Variants in PATZ1 observed in about 807,000 individuals in gnomAD.
PATZ1 encodes the protein POZ/BTB and AT hook containing zinc finger 1.
In PATZ1, 9 loss-of-function variants were observed where a neutral mutation model predicts 46.2. The observed-to-expected ratio is 0.19, with a 90% confidence interval of 0.12 to 0.34. PATZ1 has a LOEUF of 0.34. PATZ1 is among the 10% of genes least tolerant of loss of function. The pLI is 1.00. For synonymous variants in PATZ1, 426 were observed against 378.6 expected, an observed-to-expected ratio of 1.13 and a Z score of -1.45; for missense variants, 632 against 923.0, an observed-to-expected ratio of 0.68 and a Z score of 4.08.
intron 2 of PATZ1, chr22:31,341,196 A>T (rs1452400868): frequency 7.2e-6 from 9 of 1,250,878 alleles, no homozygotes; most frequent in Non-Finnish European, 8.0e-6. Flanking sequence ...GCCCAGAAAG[A>T]AACTTGGATG....
At position 31,326,924 on chromosome 22, in the gene PATZ1, A is replaced by G; in HGVS notation, c.2031T>C (p.Val677=). The G allele has an allele frequency of 1.9e-6, 3 of 1,613,868 alleles. No homozygotes were observed. Among genetic ancestry groups the G allele is most frequent in the East Asian group, 2.2e-5 (1 of 44,878 alleles). The change falls in exon 5 of 5, where the codon GTT becomes GTC. Residue 677 remains valine, a synonymous_variant. Transcript: ENST00000266269. ...AFASSLVDPE[V]DQQPMGPEGK ...CTTCAGGCCCCATGGGCTGCTGGTC[A>G]ACCTCAGGATCTACTAAAGATGACG...
intron 3 of PATZ1, among the ~76,000 whole-genome samples, chr22:31,334,382 G>T (rs987270068): frequency 1.3e-5 from 2 of 152,158 alleles, no homozygotes; most frequent in Non-Finnish European, 2.9e-5. Flanking sequence ...AGGTGTCCTG[G>T]TGGTACAAAC....
At chr22:31,339,627 T>C (rs1569027219) in intron 2 of PATZ1, among the ~76,000 whole-genome samples, 2 of 152,204 alleles carry the variant, frequency 1.3e-5, no homozygotes, top group African/African-American at 4.8e-5. Context: ...CAGAATGCTT[T>C]GACTGCCTGT....
rs1399489261 is a variant in PATZ1 at position 31,344,521 on chromosome 22, C to T, written c.1082G>A (p.Gly361Asp). ...TRKQVACEIC[G>D]KIFRDVYHLN... ...ATGATACACATCACGGAAGATCTTG[C>T]CGCAGATCTCACAAGCCACCTGCTT... The change falls in exon 1 of 5, where the codon GGC (glycine) becomes GAC (aspartate). Residue 361 changes from glycine (G) to aspartate (D), a missense_variant. By Grantham distance (94) the Gly-to-Asp change is moderately conservative. Transcript: ENST00000266269. 2 of 1,614,224 alleles carry T rather than the reference C, an allele frequency of 1.2e-6. No homozygotes were observed. The highest frequency in any genetic ancestry group is 1.7e-5 in the Admixed American group (1 of 60,032).
rs771894283 is a variant in PATZ1 at position 31,345,306 on chromosome 22, C to T, written c.297G>A (p.Gly99=). The T allele has an allele frequency of 5.6e-6, 9 of 1,611,078 alleles. No individual in the cohort carries two copies. The Admixed American group carries it at 8.3e-5, about 15-fold the overall frequency. ...GATAAPGGGA[G]GSRELEMHTI... ...TGTGCATCTCCAGCTCCCGGCTGCC[C>T]CCGGCCCCGCCGCCTGGTGCTGCCG... The change falls in exon 1 of 5, where the codon GGG becomes GGA. Residue 99 remains glycine (G), a synonymous_variant. Transcript: ENST00000266269. This position sits in a 1 kb window ranked among gnomAD's most constrained non-coding sequence, Gnocchi z 7.4.
chr22:31,343,078 C>A (rs912791077), intron 1 of PATZ1, 118 bp from the exon 2 acceptor site: 1 of 1,501,120 alleles, frequency 6.7e-7, no homozygotes, highest in East Asian at 2.5e-5. Flanking sequence ...GACTCCCTCT[C>A]CCCAACCCCA....
At chr22:31,332,667 T>G (rs1412885207) in intron 3 of PATZ1, among the ~76,000 whole-genome samples, 1 of 152,266 alleles carries the variant, frequency 6.6e-6, no homozygotes, top group Non-Finnish European at 1.5e-5. Flanking sequence ...CCAACTGCAC[T>G]GTGTTGGAGT....
In PATZ1 at chr22:31,345,113, G is replaced by A. The variant is rs747817525; in HGVS notation, c.490C>T (p.Leu164=). ...ATATCGGCGCGGGCAGGGGGTACCA[G>A]GATCTGTACGTTGGACTGTTTGATG... ...EVIKQSNVQI[L]VPPARADIML... Residue 164 remains leucine (L), a synonymous_variant, in exon 1 of 5, where the codon CTG becomes TTG. Transcript: ENST00000266269. This position sits in a 1 kb window ranked among gnomAD's most constrained non-coding sequence, Gnocchi z 7.4. 14 of 1,614,090 alleles carry A rather than the reference G, an allele frequency of 8.7e-6. No homozygotes were observed. Among genetic ancestry groups the A allele is most frequent in the Non-Finnish European group, 1.2e-5 (14 of 1,180,048 alleles).
intron 2 of PATZ1, among the ~76,000 whole-genome samples, chr22:31,340,521 C>T (rs182210544): frequency 1.3e-5 from 2 of 152,146 alleles, no homozygotes; most frequent in Non-Finnish European, 2.9e-5. Context: ...CTGCTGGGTC[C>T]GTTAGGGGAG....
rs2049397906 is a variant in PATZ1 at position 31,328,686 on chromosome 22, G to A, written c.1645+101C>T. The A allele has an allele frequency of 1.9e-6, 2 of 1,071,286 alleles. No individual in the cohort carries two copies. Among genetic ancestry groups the A allele is most frequent in the Non-Finnish European group, 2.8e-6 (2 of 702,066 alleles). 66.4% of individuals were successfully genotyped at this position (1,071,286 alleles called of 1,614,324 possible). A position where few individuals can be genotyped will look rare whatever the true frequency, so the allele number is the denominator to read the frequency against. On this transcript the variant is annotated intron_variant, in intron 4 of 4. Coordinates refer to ENST00000266269, the MANE Select transcript of PATZ1 (RefSeq NM_014323.3). This position sits in a 1 kb window ranked among gnomAD's most constrained non-coding sequence, Gnocchi z 4.8. ...CAGATCTCTGAGTCTCCTCAAGGCA[G>A]CCAGAAAGCCGGCAGCCTTCCCGCC...
Position 31,344,557 on chromosome 22 carries a change from C to T in PATZ1, c.1046G>A (p.Ser349Asn), listed in dbSNP as rs1309376588. Reference protein sequence around the residue: ...SEDPDGPRKRSRTRKQVACEI... With the variant: ...SEDPDGPRKRNRTRKQVACEI... ...ACAAGCCACCTGCTTCCTGGTCCGG[C>T]TCCTCTTTCGGGGGCCGTCGGGGTC... The change falls in exon 1 of 5, where the codon AGC becomes AAC. Residue 349 changes from serine to asparagine, a missense_variant. Ser to Asn is a conservative substitution (Grantham distance 46, BLOSUM62 1). Coordinates refer to ENST00000266269, the MANE Select transcript of PATZ1 (RefSeq NM_014323.3). The T allele has an allele frequency of 1.2e-6, 2 of 1,614,226 alleles. No homozygotes were observed. The highest frequency in any genetic ancestry group is 1.7e-6 in the Non-Finnish European group (2 of 1,180,032).
rs2049577639 is a variant in PATZ1 at position 31,341,328 on chromosome 22, C to T, written c.1335+1569G>A. 3.3e-6 allele frequency: 5 copies of T among 1,498,234 alleles called. No homozygotes were observed. In the Admixed American group the frequency reaches 9.3e-5, roughly 28 times the overall value. 92.8% of individuals were successfully genotyped at this position (1,498,234 alleles called of 1,614,324 possible). On this transcript the variant is annotated intron_variant, in intron 2 of 4. Coordinates refer to ENST00000266269, the MANE Select transcript of PATZ1 (RefSeq NM_014323.3). Reference sequence around the variant, plus strand: ...TGGGCAGGAACCACCCTGCTAGCCTCTCCCAAAAGCAGGGGTCTCAGGCCA... The same window carrying T: ...TGGGCAGGAACCACCCTGCTAGCCTTTCCCAAAAGCAGGGGTCTCAGGCCA...
intron 1 of PATZ1, among the ~76,000 whole-genome samples, chr22:31,343,934 G>C (rs1271770353): frequency 6.6e-6 from 1 of 152,016 alleles, no homozygotes; most frequent in Non-Finnish European, 1.5e-5. Context: ...AGATGCACTT[G>C]TTCCAGTACC....
At position 31,345,647 on chromosome 22, in the gene PATZ1, C is replaced by A. The variant is rs1462212577; in HGVS notation, c.-45G>T. On this transcript the variant is annotated 5_prime_UTR_variant, in exon 1 of 5. Coordinates refer to ENST00000266269, the MANE Select transcript of PATZ1 (RefSeq NM_014323.3). The surrounding 1 kb of genome is among the most constrained non-coding windows in gnomAD (Gnocchi z 7.4). ...TAGCCCGGCCGCTGCACCTGCCCGCCCCCTCCCTTCCCCTCAGCAGCGAGA... is the reference window on the plus strand; with the variant it reads ...TAGCCCGGCCGCTGCACCTGCCCGCACCCTCCCTTCCCCTCAGCAGCGAGA... 5 of 1,509,500 alleles carry A rather than the reference C, an allele frequency of 3.3e-6. No homozygotes were observed. The Admixed American group carries it at 7.7e-5, about 23-fold the overall frequency. The allele number at this position is 1,509,500 out of a possible 1,614,324, so 93.5% of individuals were successfully genotyped here. A position where few individuals can be genotyped will look rare whatever the true frequency, so the allele number is the denominator to read the frequency against.
At chr22:31,341,226 G>C in intron 2 of PATZ1, 1 of 1,346,952 alleles carries the variant, frequency 7.4e-7, no homozygotes, top group East Asian at 2.7e-5. Context: ...GTTCCAGAAA[G>C]GTGCTCCTTG....
chr22:31,336,273 C>G (rs972701028), intron 2 of PATZ1, among the ~76,000 whole-genome samples: 2 of 152,168 alleles, frequency 1.3e-5, no homozygotes, highest in South Asian at 2.1e-4. Flanking sequence ...TATAAACCAG[C>G]CTTCCTGTTC....
rs1361552921 is a variant in PATZ1 at position 31,327,272 on chromosome 22, G to C, written c.1683C>G (p.Ser561Arg). The C allele has an allele frequency of 6.2e-7, 1 of 1,614,006 alleles. No individual in the cohort carries two copies. The highest frequency in any genetic ancestry group is 1.3e-5 in the African/African-American group (1 of 74,916). The change falls in exon 5 of 5, where the codon AGC becomes AGG. Residue 561 changes from serine (S) to arginine (R), a missense_variant. Around this residue, in one of 7 missense-constraint regions of PATZ1, gnomAD observed 176 missense variants for 249.4 expected, o/e 0.71. Transcript: ENST00000266269. This position sits in a 1 kb window ranked among gnomAD's most constrained non-coding sequence, Gnocchi z 4.2. ...QKCSHQDPIE[S>R]SDSYGDLSDA... Reference sequence around the variant, plus strand: ...CTGAGAGGTCACCATAGGAGTCAGAGCTCTCAATCGGATCCTGATGTGAGC... The same window carrying C: ...CTGAGAGGTCACCATAGGAGTCAGACCTCTCAATCGGATCCTGATGTGAGC...
Position 31,326,231 on chromosome 22 carries a change from C to T in PATZ1, c.*660G>A, listed in dbSNP as rs2049369300. Reference sequence around the variant, plus strand: ...ACAGCATGTTGAATGGTTAAAATCACGTAAGAACTGAAATTTGGGGTGGGG... The same window carrying T: ...ACAGCATGTTGAATGGTTAAAATCATGTAAGAACTGAAATTTGGGGTGGGG... On this transcript the variant is annotated 3_prime_UTR_variant, in exon 5 of 5. Transcript: ENST00000266269. 8.8e-6 allele frequency: 2 copies of T among 226,392 alleles called. No homozygotes were observed. The highest frequency in any genetic ancestry group is 1.8e-5 in the Non-Finnish European group (2 of 113,738). The allele number at this position is 226,392 out of a possible 1,614,324, so 14.0% of individuals were successfully genotyped here. A position where few individuals can be genotyped will look rare whatever the true frequency, so the allele number is the denominator to read the frequency against.
rs2049376803 is a variant in PATZ1 at position 31,327,016 on chromosome 22, A to C, written c.1939T>G (p.Phe647Val). The C allele has an allele frequency of 6.2e-7, 1 of 1,614,232 alleles. No individual in the cohort carries two copies. Among genetic ancestry groups the C allele is most frequent in the Non-Finnish European group, 8.5e-7 (1 of 1,180,038 alleles). Residue 647 changes from phenylalanine to valine, a missense_variant, in exon 5 of 5, where the codon TTC (phenylalanine) becomes GTC (valine). Phe to Val is a conservative substitution (Grantham distance 50). This residue lies in a region of PATZ1 where 176 missense variants were observed against 249.4 expected (regional missense o/e 0.71). Coordinates refer to ENST00000266269, the MANE Select transcript of PATZ1 (RefSeq NM_014323.3). This position sits in a 1 kb window ranked among gnomAD's most constrained non-coding sequence, Gnocchi z 4.2. ...GDLGPALGSPFSPQQNMSLLE... is the reference protein window; with the variant it reads ...GDLGPALGSPVSPQQNMSLLE... The stretch of plus-strand genomic sequence containing the variant: ...AGAGACATGTTCTGCTGAGGAGAGA[A>C]AGGTGAGCCAAGGGCAGGGCCCAGG...
Sources: allele counts gnomAD v4.1 joint callset (sites outside exome capture counted in the v4.1 genomes callset), GRCh38; gene constraint gnomAD v4.1.1; regional missense constraint gnomAD v4.1.1; non-coding constraint Gnocchi (gnomAD v3.1); transcripts MANE v1.5; gene names NCBI Gene and HGNC (gene_info 2026-07-23, HGNC 2026-07-21).